DMD: variants seen among roughly 807,000 people sequenced by gnomAD.
DMD encodes the protein dystrophin.
Under a neutral mutation model 330.1 loss-of-function variants are expected in DMD, and 63 were observed. That is an observed-to-expected ratio of 0.19 (90% CI 0.16 to 0.24). The LOEUF (loss-of-function observed/expected upper bound fraction) is 0.24, where lower values mean the gene tolerates loss of function less well. Ranked by LOEUF, DMD falls within the 10% of genes least tolerant of loss-of-function variation. The probability of loss-of-function intolerance (pLI) is 1.00; values close to 1 mark genes in which losing one functional copy is unlikely to be tolerated. For missense variants in DMD, 3,344 were observed against 2,684.1 expected, an observed-to-expected ratio of 1.25 and a Z score of -5.43; for synonymous variants, 1,223 against 959.8, an observed-to-expected ratio of 1.27 and a Z score of -5.07.
chrX:32,478,585 G>A (rs1478585382), intron 21 of DMD, among the ~76,000 whole-genome samples: 1 of 111,875 alleles, frequency 8.9e-6, no homozygotes, highest in Non-Finnish European at 1.9e-5. Context: ...GGAAGTCTGA[G>A]TATAACTTGA....
At chrX:32,096,714 G>A (rs2096509341) in intron 44 of DMD, among the ~76,000 whole-genome samples, 1 of 111,395 alleles carries the variant, frequency 9.0e-6, no homozygotes, top group Non-Finnish European at 1.9e-5. Flanking sequence ...GGTTCTGAGT[G>A]CATCTAACAG....
chrX:31,702,854 CTT>C (rs534843685), intron 52 of DMD, among the ~76,000 whole-genome samples: 22 of 89,020 alleles, frequency 2.5e-4, no homozygotes, highest in Admixed American at 5.0e-4. Context: ...TCAGAGAAGT[CTT>C]TTTTTTTTTT....
chrX:31,157,428 T>C (rs2038271092), intron 74 of DMD, among the ~76,000 whole-genome samples: 1 of 111,918 alleles, frequency 8.9e-6, no homozygotes, highest in Admixed American at 9.4e-5. Context: ...AAGACAAAAA[T>C]GGCAGTGGCT....
intron 54 of DMD, among the ~76,000 whole-genome samples, chrX:31,653,203 A>G (rs2080565263): frequency 9.0e-6 from 1 of 111,489 alleles, no homozygotes; most frequent in Non-Finnish European, 1.9e-5. Context: ...CAAGGTTGTC[A>G]AAGACGGAGA....
At chrX:31,343,789 T>C (rs1343861202) in intron 61 of DMD, among the ~76,000 whole-genome samples, 3 of 110,641 alleles carry the variant, frequency 2.7e-5, no homozygotes, top group Non-Finnish European at 5.7e-5. Flanking sequence ...TTATTATTTA[T>C]AGTAACCTGA....
At chrX:32,952,573 A>T (rs66506273) in intron 2 of DMD, among the ~76,000 whole-genome samples, 1 of 110,781 alleles carries the variant, frequency 9.0e-6, no homozygotes, top group African/African-American at 3.3e-5. Context: ...GTCACAACTC[A>T]TAACATATTT....
chrX:31,213,274 C>G (rs1056831153), intron 64 of DMD, among the ~76,000 whole-genome samples: 1 of 112,775 alleles, frequency 8.9e-6, no homozygotes, highest in Non-Finnish European at 1.9e-5. Flanking sequence ...ACTTGCTTTT[C>G]AAAGTGACTT....
intron 43 of DMD, among the ~76,000 whole-genome samples, chrX:32,233,930 C>T (rs930050487): frequency 1.1e-4 from 12 of 110,752 alleles, no homozygotes; most frequent in African/African-American, 3.9e-4. Context: ...ACACCCAGCC[C>T]GGTACAATTT....
At chrX:32,651,145 T>G (rs1394421185) in intron 9 of DMD, among the ~76,000 whole-genome samples, 1 of 110,324 alleles carries the variant, frequency 9.1e-6, no homozygotes, top group Non-Finnish European at 1.9e-5. Context: ...TAACTTTTTT[T>G]TTTTCTGTTT....
intron 11 of DMD, among the ~76,000 whole-genome samples, chrX:32,638,706 G>T (rs773014859): frequency 1.8e-5 from 2 of 111,602 alleles, no homozygotes; most frequent in Non-Finnish European, 3.8e-5. Flanking sequence ...TTACTGCAAC[G>T]AATTCAATTC....
rs331312 is a variant in DMD, at chrX:32,310,094, C to A, written c.6105G>T (p.Glu2035Asp). 8.3e-7 allele frequency: 1 copy of A among 1,208,499 alleles called. No individual in the cohort carries two copies. The highest frequency in any genetic ancestry group is 1.1e-6 in the Non-Finnish European group (1 of 893,290). Residue 2035 changes from glutamate to aspartate, a missense_variant, in exon 42 of 79, where the codon GAG (glutamate) becomes GAT (aspartate). Coordinates refer to ENST00000357033, the MANE Select transcript of DMD (RefSeq NM_004006.3). The stretch of plus-strand genomic sequence containing the variant: ...GCTTTGGTTTTACCTTCAGAGACTC[C>A]TCTTGCTTAAAGAGATCTTCAAAGT... ...AKDFEDLFKQEESLKNIKDSL... is the reference protein window; with the variant it reads ...AKDFEDLFKQDESLKNIKDSL...
chrX:31,435,172 G>A (rs1235082856), intron 60 of DMD, among the ~76,000 whole-genome samples: 1 of 111,641 alleles, frequency 9.0e-6, no homozygotes, highest in Non-Finnish European at 1.9e-5. Context: ...ACTGGGTTAC[G>A]TGAGGCTTAA....
intron 15 of DMD, among the ~76,000 whole-genome samples, chrX:32,570,261 G>A (rs2052254640): frequency 8.9e-6 from 1 of 111,763 alleles, no homozygotes; most frequent in South Asian, 3.7e-4. Flanking sequence ...CTCAGATTGT[G>A]ACATATTTTA....
chrX:32,089,699 T>G (rs1446780929), intron 44 of DMD, among the ~76,000 whole-genome samples: 2 of 111,889 alleles, frequency 1.8e-5, no homozygotes, highest in Non-Finnish European at 3.8e-5. Context: ...TTGATAGGCA[T>G]TTAAGTTGAA....
rs181523152 is a variant in DMD, at chrX:32,974,981, G to T, written c.93+45158C>A. Among the ~76,000 whole-genome samples, 279 of 111,899 alleles carry T rather than the reference G, an allele frequency of 2.5e-3. 1 individual carries two copies. Among genetic ancestry groups the T allele is most frequent in the African/African-American group, 8.3e-3 (256 of 30,847 alleles). ...AGAGGATAAATGAAGCTAGAAAAAG[G>T]AGTACTGAAAATATTAGGTTAATGT... On this transcript the variant is annotated intron_variant, in intron 2 of 78. Coordinates refer to ENST00000357033, the MANE Select transcript of DMD (RefSeq NM_004006.3).
intron 1 of DMD, among the ~76,000 whole-genome samples, chrX:33,309,285 T>C (rs1216662926): frequency 8.9e-6 from 1 of 111,751 alleles, no homozygotes; most frequent in Non-Finnish European, 1.9e-5. Context: ...GCGCGCTATG[T>C]TATTGAACTA....
chrX:33,134,942 AT>A (rs2095518206), intron 1 of DMD, among the ~76,000 whole-genome samples: 1 of 111,535 alleles, frequency 9.0e-6, no homozygotes, highest in Non-Finnish European at 1.9e-5. Context: ...TTATCACAAA[AT>A]TTCTAGAAAT....
intron 41 of DMD, among the ~76,000 whole-genome samples, chrX:32,335,982 TATATATA>T (rs1474523152): frequency 9.2e-5 from 3 of 32,651 alleles, no homozygotes; most frequent in Non-Finnish European, 2.7e-4. Context: ...TATAACATGT[TATATATA>T]ACGTGTATAT....
At chrX:32,848,818 C>T (rs1482431538) in intron 3 of DMD, among the ~76,000 whole-genome samples, 1 of 111,291 alleles carries the variant, frequency 9.0e-6, no homozygotes, top group East Asian at 2.8e-4. Context: ...AAAAGAAATA[C>T]AGGCAAGTAA....
Sources: gnomAD v4.1 joint callset for allele counts (sites outside exome capture counted in the v4.1 genomes callset) on GRCh38, gnomAD v4.1.1 for gene constraint, MANE v1.5 for transcripts, NCBI Gene and HGNC (gene_info 2026-07-23, HGNC 2026-07-21) for gene names.